The following ROBO2 variants were observed in gnomAD, a reference collection of about 807,000 sequenced individuals.
ROBO2 encodes roundabout guidance receptor 2.
Under a neutral mutation model 160.8 loss-of-function variants are expected in ROBO2, and 53 were observed. That is an observed-to-expected ratio of 0.33 (90% CI 0.26 to 0.41). ROBO2 has a LOEUF of 0.41. Among genes scored for constraint, ROBO2 ranks in the 10% least tolerant of loss-of-function variants. ROBO2 has a pLI of 1.00. For missense variants in ROBO2, 1,577 were observed against 1,722.4 expected, an observed-to-expected ratio of 0.92 and a Z score of 1.49; for synonymous variants, 664 against 611.7, an observed-to-expected ratio of 1.09 and a Z score of -1.26.
intron 2 of ROBO2, among the ~76,000 whole-genome samples, chr3:76,239,431 C>T (rs1705158672): frequency 6.6e-6 from 1 of 151,764 alleles, no homozygotes; most frequent in Non-Finnish European, 1.5e-5. Context: ...CAGACACATG[C>T]ACAATTTTTT....
At chr3:76,380,352 A>G (rs924931361) in intron 2 of ROBO2, among the ~76,000 whole-genome samples, 11 of 152,214 alleles carry the variant, frequency 7.2e-5, no homozygotes, top group African/African-American at 2.7e-4. Context: ...AAAGATGAAT[A>G]GAGATGAATA....
At chr3:76,251,082 A>G (rs751557644) in intron 2 of ROBO2, among the ~76,000 whole-genome samples, 18 of 152,024 alleles carry the variant, frequency 1.2e-4, no homozygotes, top group Non-Finnish European at 1.6e-4. Context: ...GAAGAAACGC[A>G]TTCTTATCAG....
chr3:77,074,459 A>G (rs2067737937), intron 1 of ROBO2, among the ~76,000 whole-genome samples: 1 of 152,148 alleles, frequency 6.6e-6, no homozygotes, highest in Non-Finnish European at 1.5e-5. Context: ...GTATTTATCT[A>G]TTATATTTTG....
intron 2 of ROBO2, among the ~76,000 whole-genome samples, chr3:76,276,926 A>G (rs1355808395): frequency 2.0e-5 from 3 of 151,888 alleles, no homozygotes; most frequent in Admixed American, 6.6e-5. Context: ...TATCTCGGGG[A>G]TGGGACCCAA....
rs907312043 is a variant in ROBO2 at position 77,129,849 on chromosome 3, A to G, written c.388+31509A>G. Among the ~76,000 whole-genome samples the G allele has an allele frequency of 7.2e-5, 11 of 152,098 alleles. No homozygotes were observed. In the East Asian group the frequency reaches 1.4e-3, roughly 19 times the overall value. On this transcript the variant is annotated intron_variant, in intron 2 of 25. Coordinates refer to ENST00000461745, the Ensembl canonical transcript of ROBO2. ...TGACCATGACCCTTTTTTTGGTGCA[A>G]CTTTGGCTTTGAGAAGTGCTTTGGA...
At position 76,749,977 on chromosome 3, in the gene ROBO2, G is replaced by A. The variant is rs138842890; in HGVS notation, c.110-348037G>A. Among the ~76,000 whole-genome samples the A allele has an allele frequency of 8.5e-3, 1,292 of 152,000 alleles. 12 individuals carry two copies. Among genetic ancestry groups the A allele is most frequent in the African/African-American group, 0.03 (1,226 of 41,460 alleles). On this transcript the variant is annotated intron_variant, in intron 2 of 26. Transcript: ENST00000487694. ...CCAGCATCATCCTGATACCAAAGCC[G>A]GGCAGAGACACAACAGAAAAAGAGA...
At chr3:76,628,998 C>T (rs2089853867) in intron 2 of ROBO2, among the ~76,000 whole-genome samples, 1 of 152,088 alleles carries the variant, frequency 6.6e-6, no homozygotes, top group South Asian at 2.1e-4. Context: ...AATATAGCGT[C>T]ACTTTTGTAG....
At position 77,370,126 on chromosome 3, in the gene ROBO2, G is replaced by T. The variant is rs148727913; in HGVS notation, c.389-107288G>T. 4.9e-3 allele frequency among the ~76,000 whole-genome samples: 748 copies of T among 152,246 alleles called. 3 individuals carry two copies. The highest frequency in any genetic ancestry group is 0.017 in the African/African-American group (713 of 41,544). On this transcript the variant is annotated intron_variant, in intron 2 of 25. Coordinates refer to ENST00000461745, the Ensembl canonical transcript of ROBO2. Reference sequence around the variant, plus strand: ...ATGGTTGGATTGTTATAACAAAAGTGTGATGGTTTGAAAAAGGCACAAAAA... The same window carrying T: ...ATGGTTGGATTGTTATAACAAAAGTTTGATGGTTTGAAAAAGGCACAAAAA...
At chr3:75,923,267 T>C (rs932415586) in intron 1 of ROBO2, among the ~76,000 whole-genome samples, 8 of 152,198 alleles carry the variant, frequency 5.3e-5, no homozygotes, top group African/African-American at 1.9e-4. Context: ...AACAGATGCT[T>C]TTATTGTGAT....
At chr3:77,122,438 C>G (rs1382790396) in intron 2 of ROBO2, among the ~76,000 whole-genome samples, 1 of 152,106 alleles carries the variant, frequency 6.6e-6, no homozygotes, top group African/African-American at 2.4e-5. Context: ...AAGTGTTGCC[C>G]CGGCAAAGAG....
At chr3:76,168,527 T>C (rs1041094848) in intron 2 of ROBO2, among the ~76,000 whole-genome samples, 4 of 152,160 alleles carry the variant, frequency 2.6e-5, no homozygotes, top group Non-Finnish European at 5.9e-5. Flanking sequence ...TTCCAAATGA[T>C]AGAAAATGGA....
At chr3:77,618,733 AG>A (rs1164018439) in intron 22 of ROBO2, among the ~76,000 whole-genome samples, 1 of 152,196 alleles carries the variant, frequency 6.6e-6, no homozygotes, top group Non-Finnish European at 1.5e-5. Flanking sequence ...AGATACCAAA[AG>A]GAAGAGTATT....
intron 4 of ROBO2, among the ~76,000 whole-genome samples, chr3:77,490,099 C>CTTT (rs753903306): frequency 4.7e-5 from 6 of 126,662 alleles, no homozygotes; most frequent in East Asian, 2.2e-4. Flanking sequence ...TTGTATTTTA[C>CTTT]TTTTTTTTTT....
intron 2 of ROBO2, among the ~76,000 whole-genome samples, chr3:76,746,639 C>A (rs986620514): frequency 2.6e-5 from 4 of 152,096 alleles, no homozygotes; most frequent in African/African-American, 9.7e-5. Flanking sequence ...TCCAGCAGCA[C>A]ATCAAAAAGC....
At chr3:77,543,729 A>T (rs866794497) in intron 6 of ROBO2, among the ~76,000 whole-genome samples, 6 of 152,006 alleles carry the variant, frequency 3.9e-5, no homozygotes, top group Non-Finnish European at 8.8e-5. Flanking sequence ...AATCACGTTT[A>T]TTCTCAGTTA....
At chr3:77,350,229 C>G (rs977706551) in intron 2 of ROBO2, among the ~76,000 whole-genome samples, 8 of 151,534 alleles carry the variant, frequency 5.3e-5, no homozygotes, top group African/African-American at 1.9e-4. Flanking sequence ...GGCAACATAG[C>G]TATTAACCCA....
chr3:76,865,371 C>G (rs1441563284), intron 2 of ROBO2, among the ~76,000 whole-genome samples: 1 of 152,062 alleles, frequency 6.6e-6, no homozygotes, highest in Non-Finnish European at 1.5e-5. Flanking sequence ...TCAAGAGCAT[C>G]AAATAACTGT....
intron 2 of ROBO2, among the ~76,000 whole-genome samples, chr3:76,020,335 A>G (rs568735267): frequency 6.6e-6 from 1 of 151,958 alleles, no homozygotes; most frequent in East Asian, 1.9e-4. Context: ...ACCTTTAACT[A>G]GAAAGTTAAT....
intron 2 of ROBO2, among the ~76,000 whole-genome samples, chr3:76,948,296 A>G (rs2078696546): frequency 6.6e-6 from 1 of 152,010 alleles, no homozygotes; most frequent in Admixed American, 6.6e-5. Context: ...CTTATTTGAG[A>G]TTCATTTTTG....
Sources: allele counts gnomAD v4.1 joint callset (sites outside exome capture counted in the v4.1 genomes callset), GRCh38; gene constraint gnomAD v4.1.1; transcripts MANE v1.5; gene names NCBI Gene and HGNC (gene_info 2026-07-23, HGNC 2026-07-21).